The following ECE1 variants were observed in gnomAD, a reference collection of about 807,000 sequenced individuals.
ECE1 encodes endothelin-converting enzyme 1.
ECE1 carries 35 observed loss-of-function variants against 98.6 expected under a neutral mutation model. That is an observed-to-expected ratio of 0.35 (90% CI 0.27 to 0.47). The LOEUF (loss-of-function observed/expected upper bound fraction) is 0.47, where lower values mean the gene tolerates loss of function less well. Ranked by LOEUF, ECE1 falls within the 20% of genes least tolerant of loss-of-function variation. The probability of loss-of-function intolerance (pLI) is 1.00; values close to 1 mark genes in which losing one functional copy is unlikely to be tolerated. For missense variants in ECE1, 814 were observed against 1,025.3 expected, an observed-to-expected ratio of 0.79 and a Z score of 2.81; for synonymous variants, 394 against 407.1, an observed-to-expected ratio of 0.97 and a Z score of 0.39.
chr1:21,310,705 C>A (rs1174033600), intron 1 of ECE1, among the ~76,000 whole-genome samples: 1 of 152,182 alleles, frequency 6.6e-6, no homozygotes, highest in East Asian at 1.9e-4. Flanking sequence ...GGTGACTGTC[C>A]CTGCCACTGG....
At chr1:21,291,507 C>A (rs575595525), upstream of ECE1, among the ~76,000 whole-genome samples, 1 of 152,174 alleles carries the variant, frequency 6.6e-6, no homozygotes, top group South Asian at 2.1e-4. Flanking sequence ...CCCTCAGCAG[C>A]CAGGATGAGC....
chr1:21,300,306 C>A (rs542714569), intron 1 of ECE1, among the ~76,000 whole-genome samples: 3 of 152,198 alleles, frequency 2.0e-5, no homozygotes, highest in Admixed American at 1.3e-4. Flanking sequence ...CTGGGCAGGT[C>A]GTGTCCCTCT....
chr1:21,251,342 A>C lies in ECE1; in HGVS notation c.1021-3979T>G, dbSNP rs530893767. Reference sequence around the variant, plus strand: ...AGCCTGGCCAACATGATGAAACCCTATCTCTGCTAAAAGTATAAAAAAATT... The same window carrying C: ...AGCCTGGCCAACATGATGAAACCCTCTCTCTGCTAAAAGTATAAAAAAATT... On this transcript the variant is annotated intron_variant, in intron 8 of 18. Coordinates refer to ENST00000374893, the MANE Select transcript of ECE1 (RefSeq NM_001397.3). Among the ~76,000 whole-genome samples, 102 of 152,044 alleles carry C rather than the reference A, an allele frequency of 6.7e-4. 1 individual carries two copies. The highest frequency in any genetic ancestry group is 4.7e-4 in the Non-Finnish European group (32 of 67,962).
At chr1:21,311,433 G>T (rs1638720365) in intron 1 of ECE1, among the ~76,000 whole-genome samples, 1 of 150,498 alleles carries the variant, frequency 6.6e-6, no homozygotes, top group African/African-American at 2.4e-5. Context: ...AGCACTTTGG[G>T]AGGCTGAGGC....
upstream of ECE1, among the ~76,000 whole-genome samples, chr1:21,295,449 T>C (rs1638330953): frequency 6.6e-6 from 1 of 152,266 alleles, no homozygotes; most frequent in Non-Finnish European, 1.5e-5. Context: ...TGACATTTAT[T>C]ATTATTACAT....
chr1:21,339,062 C>T (rs1395783511), intron 1 of ECE1, among the ~76,000 whole-genome samples: 2 of 151,864 alleles, frequency 1.3e-5, no homozygotes, highest in Non-Finnish European at 2.9e-5. Flanking sequence ...TTAGTGGAGA[C>T]CCAGGCCAGG....
At chr1:21,223,749 C>T (rs781120617) in intron 17 of ECE1, among the ~76,000 whole-genome samples, 2 of 152,154 alleles carry the variant, frequency 1.3e-5, no homozygotes, top group Non-Finnish European at 2.9e-5. Context: ...CAGGCATGAG[C>T]CACCGTGCCC....
At chr1:21,291,089 C>A (rs1336536083), upstream of ECE1, among the ~76,000 whole-genome samples, 1 of 152,202 alleles carries the variant, frequency 6.6e-6, no homozygotes, top group African/African-American at 2.4e-5. Flanking sequence ...GAAGGGGACC[C>A]TTCTTTCCCA....
At chr1:21,320,320 AC>A (rs1638934590) in intron 1 of ECE1, among the ~76,000 whole-genome samples, 1 of 152,216 alleles carries the variant, frequency 6.6e-6, no homozygotes, top group Non-Finnish European at 1.5e-5. Flanking sequence ...GACAGGGCCA[AC>A]CCCACAGAGG....
At chr1:21,298,943 G>C in intron 1 of ECE1, 1 of 454,182 alleles carries the variant, frequency 2.2e-6, no homozygotes, top group East Asian at 7.0e-5. Flanking sequence ...TGACTCCAGG[G>C]CTACCCACAG....
chr1:21,334,372 G>A (rs1639266953), intron 1 of ECE1, among the ~76,000 whole-genome samples: 1 of 152,222 alleles, frequency 6.6e-6, no homozygotes, highest in African/African-American at 2.4e-5. Flanking sequence ...CAGGGGCGAA[G>A]GAAGATGAAG....
chr1:21,247,287 G>C lies in ECE1; in HGVS notation c.1097C>G (p.Pro366Arg). The C allele has an allele frequency of 6.2e-7, 1 of 1,614,210 alleles. No homozygotes were observed. The change falls in exon 9 of 19, where the codon CCT becomes CGT. Residue 366 changes from proline (P) to arginine (R), a missense_variant. Transcript: ENST00000374893. Reference protein sequence around the residue: ...FYPVEINESEPIVVYDKEYLE... With the variant: ...FYPVEINESERIVVYDKEYLE... ...GTATTCCTTGTCATAGACCACAATA[G>C]GCTCGGATTCATTGATCTCCACGGG... is the stretch of plus-strand genomic sequence containing the variant.
At chr1:21,277,779 G>A (rs2098249242) in intron 3 of ECE1, among the ~76,000 whole-genome samples, 1 of 152,216 alleles carries the variant, frequency 6.6e-6, no homozygotes, top group Non-Finnish European at 1.5e-5. Context: ...AGTCAAATAT[G>A]CATTAAGCAC....
At chr1:21,284,897 G>A (rs963125528) in intron 2 of ECE1, among the ~76,000 whole-genome samples, 9 of 152,338 alleles carry the variant, frequency 5.9e-5, no homozygotes, top group Non-Finnish European at 4.4e-5. Context: ...CCAGCCACCT[G>A]GGAGCGCTGG....
rs765527702 is a variant in ECE1 at position 21,235,157 on chromosome 1, A to C, written c.1566+693T>G. On this transcript the variant is annotated intron_variant, in intron 13 of 18. Transcript: ENST00000374893. The surrounding 1 kb of genome is among the most constrained non-coding windows in gnomAD (Gnocchi z 4.2). ...AGAATGAGACCCTGTCTCAAAAAAAATTTTTTCTTAAATACCTGAATTCAA... is the reference window on the plus strand; with the variant it reads ...AGAATGAGACCCTGTCTCAAAAAAACTTTTTTCTTAAATACCTGAATTCAA... Among the ~76,000 whole-genome samples, 2 of 152,126 alleles carry C rather than the reference A, an allele frequency of 1.3e-5. No homozygotes were observed. The highest frequency in any genetic ancestry group is 4.8e-5 in the African/African-American group (2 of 41,434).
At chr1:21,336,056 A>G (rs1639300653) in intron 1 of ECE1, among the ~76,000 whole-genome samples, 1 of 152,238 alleles carries the variant, frequency 6.6e-6, no homozygotes, top group Non-Finnish European at 1.5e-5. Context: ...GGGCATTAAG[A>G]CAAAGAAAGG....
intron 4 of ECE1, among the ~76,000 whole-genome samples, chr1:21,263,005 T>C (rs2098229034): frequency 6.6e-6 from 1 of 152,110 alleles, no homozygotes. Context: ...GAGCATCTGA[T>C]TACGCACGGG....
chr1:21,293,476 A>T (rs1230559201), upstream of ECE1: 1 of 152,078 alleles, frequency 6.6e-6, no homozygotes, highest in East Asian at 1.9e-4. Context: ...CAGATGTTTG[A>T]GCAAAGGCGG....
chr1:21,273,496 T>C (rs560851379), intron 3 of ECE1, among the ~76,000 whole-genome samples: 11 of 152,216 alleles, frequency 7.2e-5, no homozygotes, highest in African/African-American at 2.6e-4. Flanking sequence ...ATGTCTGTCC[T>C]CCTTTCTACA....
Sources: allele counts gnomAD v4.1 joint callset (sites outside exome capture counted in the v4.1 genomes callset), GRCh38; gene constraint gnomAD v4.1.1; non-coding constraint Gnocchi (gnomAD v3.1); transcripts MANE v1.5; gene names NCBI Gene and HGNC (gene_info 2026-07-23, HGNC 2026-07-21).